The following PCDHGB1 variants were observed in gnomAD, a reference collection of about 807,000 sequenced individuals.
PCDHGB1 encodes the protein protocadherin gamma-B1.
In PCDHGB1, 34 loss-of-function variants were observed where a neutral mutation model predicts 56.6. The observed-to-expected ratio is 0.60, with a 90% CI of 0.46 to 0.80. PCDHGB1 has a LOEUF of 0.80. Among genes scored for constraint, PCDHGB1 ranks in the 30% least tolerant of loss-of-function variants. The pLI is 0.00. For missense variants in PCDHGB1, 1,278 were observed against 1,204.6 expected, an observed-to-expected ratio of 1.06 and a Z score of -0.90; for synonymous variants, 561 against 505.9, an observed-to-expected ratio of 1.11 and a Z score of -1.46.
At chr5:141,392,833 G>A (rs750632906) in intron 1 of PCDHGB1, 39 of 1,604,260 alleles carry the variant, frequency 2.4e-5, no homozygotes, top group Non-Finnish European at 2.8e-5. Context: ...CCACAGAGTC[G>A]CCCCAGACGC....
intron 1 of PCDHGB1, among the ~76,000 whole-genome samples, chr5:141,483,432 A>G (rs756227206): frequency 2.0e-5 from 3 of 152,200 alleles, no homozygotes; most frequent in African/African-American, 4.8e-5. Flanking sequence ...GAGGGAGCTG[A>G]CTACAATAAA....
chr5:141,355,747 C>A, intron 1 of PCDHGB1: 4 of 1,613,988 alleles, frequency 2.5e-6, no homozygotes, highest in Non-Finnish European at 3.4e-6. Context: ...CCTGGACGTG[C>A]AAAGTGGGGC....
intron 1 of PCDHGB1, among the ~76,000 whole-genome samples, chr5:141,402,165 T>A (rs1200714000): frequency 6.6e-6 from 1 of 152,164 alleles, no homozygotes; most frequent in Non-Finnish European, 1.5e-5. Context: ...GGCGAGAACA[T>A]CTGTAACTAT....
At chr5:141,456,899 G>T (rs1592472053) in intron 1 of PCDHGB1, among the ~76,000 whole-genome samples, 1 of 152,212 alleles carries the variant, frequency 6.6e-6, no homozygotes, top group East Asian at 1.9e-4. Context: ...GGAGGCAGAG[G>T]TTGCAGTGAG....
chr5:141,399,538 T>G, intron 1 of PCDHGB1: 1 of 1,614,048 alleles, frequency 6.2e-7, no homozygotes, highest in Non-Finnish European at 8.5e-7. Context: ...CGCGCAAGTC[T>G]GCGCCTCGGA....
At chr5:141,425,047 A>G (rs1590618154) in intron 1 of PCDHGB1, among the ~76,000 whole-genome samples, 1 of 152,198 alleles carries the variant, frequency 6.6e-6, no homozygotes, top group Non-Finnish European at 1.5e-5. Context: ...TAAACTGACT[A>G]TCTAGGGCTC....
chr5:141,352,306 G>A lies in PCDHGB1; in HGVS notation c.2046G>A (p.Thr682=), dbSNP rs73265820. Reference sequence around the variant, plus strand: ...GCCCTGAGCCCTCTGACCCCCAGACGGAACTGCAGTTTTACCTGGTTGTGG... The same window carrying A: ...GCCCTGAGCCCTCTGACCCCCAGACAGAACTGCAGTTTTACCTGGTTGTGG... ...SDRPEPSDPQ[T]ELQFYLVVAL... is the part of the protein sequence containing the mutation. Residue 682 remains threonine (T), a synonymous_variant, in exon 1 of 4, where the codon ACG becomes ACA. Transcript: ENST00000523390. 2,608 of 1,613,610 alleles carry A rather than the reference G, an allele frequency of 1.6e-3. 36 individuals are homozygous for A. The African/African-American group carries it at 0.031, about 19-fold the overall frequency.
chr5:141,351,454 C>T lies in PCDHGB1; in HGVS notation c.1194C>T (p.Tyr398=), dbSNP rs920289280. The T allele has an allele frequency of 2.5e-6, 4 of 1,613,146 alleles. No homozygotes were observed. The African/African-American group carries it at 5.3e-5, about 22-fold the overall frequency. ...FKLESTSKNY[Y]KLVIAGALNR... ...TAGAATCCACCTCGAAGAATTATTA[C>T]AAGCTGGTGATTGCTGGAGCCCTAA... Residue 398 remains tyrosine, a synonymous_variant, in exon 1 of 4, where the codon TAC becomes TAT. Transcript: ENST00000523390.
At chr5:141,438,585 TAC>T (rs1561889967) in intron 1 of PCDHGB1, among the ~76,000 whole-genome samples, 141 of 61,160 alleles carry the variant, frequency 2.3e-3, no homozygotes, top group South Asian at 4.3e-3. Flanking sequence ...CATACATACA[TAC>T]ATACATATAT....
chr5:141,394,184 C>T (rs1277537550), intron 1 of PCDHGB1: 1 of 1,613,944 alleles, frequency 6.2e-7, no homozygotes, highest in Non-Finnish European at 8.5e-7. Flanking sequence ...ATGCCTCCTA[C>T]TCAGCGTATA....
intron 1 of PCDHGB1, chr5:141,355,366 C>T: frequency 1.2e-6 from 2 of 1,614,036 alleles, no homozygotes; most frequent in Non-Finnish European, 8.5e-7. Context: ...GGGGTTGGCG[C>T]CCCGGGAGCT....
At chr5:141,422,280 C>A in intron 1 of PCDHGB1, 1 of 1,557,754 alleles carries the variant, frequency 6.4e-7, no homozygotes, top group Non-Finnish European at 8.6e-7. Context: ...TAACTATCAC[C>A]TCTTCTATTA....
At chr5:141,418,572 A>AC (rs752316020) in intron 1 of PCDHGB1, 2 of 1,613,794 alleles carry the variant, frequency 1.2e-6, no homozygotes, top group African/African-American at 1.3e-5. Context: ...GCCAATGACA[A>AC]CCCCCCAGTG....
Position 141,431,253 on chromosome 5 carries a change from A to G in PCDHGB1, c.2410-63554A>G, listed in dbSNP as rs1554123268. The G allele has an allele frequency of 1.2e-6, 2 of 1,614,132 alleles. No individual in the cohort carries two copies. Among genetic ancestry groups the G allele is most frequent in the South Asian group, 1.1e-5 (1 of 91,088 alleles). ...GCCTGGGATCCGGATATCGGGAAGA[A>G]CTCTCTGCAGAGCTACGAGCTCAGC... is the stretch of plus-strand genomic sequence containing the variant. On this transcript the variant is annotated intron_variant, in intron 1 of 3. Transcript: ENST00000523390. The surrounding 1 kb of genome is among the most constrained non-coding windows in gnomAD (Gnocchi z 4.8).
intron 1 of PCDHGB1, among the ~76,000 whole-genome samples, chr5:141,401,338 A>G (rs2094142012): frequency 6.6e-6 from 1 of 152,186 alleles, no homozygotes; most frequent in Non-Finnish European, 1.5e-5. Flanking sequence ...GCAAAACTCC[A>G]TCTCAAAAAA....
intron 1 of PCDHGB1, among the ~76,000 whole-genome samples, chr5:141,449,586 C>T (rs2098645911): frequency 1.6e-5 from 2 of 125,482 alleles, no homozygotes; most frequent in East Asian, 2.3e-4. Context: ...AAGACTCTGT[C>T]TCAAAAAAAA....
At position 141,390,172 on chromosome 5, in the gene PCDHGB1, ATT is replaced by A. The variant is rs745723390; in HGVS notation, c.2409+37505_2409+37506del. 218 of 1,614,012 alleles carry A rather than the reference ATT, an allele frequency of 1.4e-4. 1 individual carries two copies. In the African/African-American group the frequency reaches 2.7e-3, roughly 20 times the overall value. ...GCACATACAGGAAAGACGGAGTTTA[ATT>A]TCCTAAAATGTAGTGAGCAGTTGAG... On this transcript the variant is annotated intron_variant, in intron 1 of 3. Transcript: ENST00000523390.
Position 141,477,310 on chromosome 5 carries a change from C to T in PCDHGB1, c.2410-17497C>T. On this transcript the variant is annotated intron_variant, in intron 1 of 3. Coordinates refer to ENST00000523390, the MANE Select transcript of PCDHGB1 (RefSeq NM_018922.3). This position sits in a 1 kb window ranked among gnomAD's most constrained non-coding sequence, Gnocchi z 4.9. ...AAGTTCCACCGGGTCTCCCTTTCAGCCTTACTTCTTCCCTCAAGAATTACT... is the reference window on the plus strand; with the variant it reads ...AAGTTCCACCGGGTCTCCCTTTCAGTCTTACTTCTTCCCTCAAGAATTACT... The T allele has an allele frequency of 6.2e-7, 1 of 1,614,154 alleles. No homozygotes were observed. Among genetic ancestry groups the T allele is most frequent in the Non-Finnish European group, 8.5e-7 (1 of 1,180,018 alleles).
intron 1 of PCDHGB1, chr5:141,433,078 C>A (rs947684072): frequency 2.5e-5 from 40 of 1,614,144 alleles, no homozygotes; most frequent in Non-Finnish European, 3.3e-5. Context: ...TCCCCCAGCC[C>A]AACTATGCAG....
Sources: gnomAD v4.1 joint callset for allele counts (sites outside exome capture counted in the v4.1 genomes callset) on GRCh38, gnomAD v4.1.1 for gene constraint, Gnocchi (gnomAD v3.1) non-coding constraint, MANE v1.5 for transcripts, NCBI Gene and HGNC (gene_info 2026-07-23, HGNC 2026-07-21) for gene names.